The following TRIM33 variants were observed in gnomAD, a reference collection of about 807,000 sequenced individuals.
The protein encoded by TRIM33 is tripartite motif containing 33, also known as E3 ubiquitin-protein ligase TRIM33.
A neutral mutation model predicts 125.4 loss-of-function variants in TRIM33; 20 were observed. The ratio of observed to expected loss-of-function variants is 0.16; its 90% CI spans 0.11 to 0.23. TRIM33 has a LOEUF of 0.23. TRIM33 is among the 10% of genes least tolerant of loss of function. The pLI, the probability that TRIM33 is intolerant of heterozygous loss-of-function variation, is 1.00. For synonymous variants in TRIM33, 564 were observed against 513.9 expected (o/e 1.10, Z -1.32); for missense variants, 920 against 1,411.4 (o/e 0.65, Z 5.58).
intron 11 of TRIM33, among the ~76,000 whole-genome samples, chr1:114,418,038 A>G (rs745977667): frequency 2.0e-4 from 31 of 152,228 alleles, no homozygotes; most frequent in Non-Finnish European, 4.0e-4. Context: ...ACACTGCTAT[A>G]AAGATACTAC....
In TRIM33 at chr1:114,397,529, G is replaced by A. The variant is rs1651601419; in HGVS notation, c.*119C>T. The A allele has an allele frequency of 1.5e-6, 1 of 683,768 alleles. No individual in the cohort carries two copies. The highest frequency in any genetic ancestry group is 2.5e-6 in the Non-Finnish European group (1 of 402,402). The allele number at this position is 683,768 out of a possible 1,614,324, so 42.4% of individuals were successfully genotyped here. Reference sequence around the variant, plus strand: ...TGTAAAAGCTATCAGCTTCTTCAAGGAGGTGCCCACTGTAGGCAGGATATT... The same window carrying A: ...TGTAAAAGCTATCAGCTTCTTCAAGAAGGTGCCCACTGTAGGCAGGATATT... On this transcript the variant is annotated 3_prime_UTR_variant, in exon 20 of 20. Transcript: ENST00000358465.
chr1:114,495,620 C>T (rs986568282), intron 1 of TRIM33, among the ~76,000 whole-genome samples: 2 of 152,142 alleles, frequency 1.3e-5, no homozygotes, highest in African/African-American at 4.8e-5. Flanking sequence ...ACAGCTAGTT[C>T]TTTCCTGCCA....
rs66490349 is a variant in TRIM33 at position 114,397,589 on chromosome 1, G to GTTTTTTTTTTTTTTTTTTTTT, written c.*58_*59insAAAAAAAAAAAAAAAAAAAAA. 2.7e-5 allele frequency: 17 copies of GTTTTTTTTTTTTTTTTTTTTT among 640,654 alleles called. No homozygotes were observed. The highest frequency in any genetic ancestry group is 1.0e-4 in the South Asian group (5 of 48,486). The allele number at this position is 640,654 out of a possible 1,614,324, so 39.7% of individuals were successfully genotyped here. On this transcript the variant is annotated 3_prime_UTR_variant, in exon 20 of 20. Transcript: ENST00000358465. ...CTTAAAAGTTTTCTGGGTTTTTTGT[G>GTTTTTTTTTTTTTTTTTTTTT]TTTTTTTTTTTTTTTTCGTTTTTTT...
At chr1:114,491,681 G>A (rs940241194) in intron 1 of TRIM33, among the ~76,000 whole-genome samples, 2 of 152,140 alleles carry the variant, frequency 1.3e-5, no homozygotes, top group Admixed American at 6.6e-5. Context: ...GCATGGGCCT[G>A]TAGTCTCAGC....
intron 5 of TRIM33, among the ~76,000 whole-genome samples, chr1:114,433,136 A>G (rs1423645257): frequency 1.3e-5 from 2 of 152,246 alleles, no homozygotes; most frequent in African/African-American, 4.8e-5. Flanking sequence ...GATGATAATT[A>G]TAAATACAAT....
intron 1 of TRIM33, among the ~76,000 whole-genome samples, chr1:114,474,828 G>T (rs1265730404): frequency 6.6e-6 from 1 of 151,044 alleles, no homozygotes; most frequent in Non-Finnish European, 1.5e-5. Flanking sequence ...GGAGGTGGAG[G>T]TTGTGGTGAG....
chr1:114,408,991 C>T lies in TRIM33; in HGVS notation c.2195-251G>A, dbSNP rs549861167. 1.3e-4 allele frequency among the ~76,000 whole-genome samples: 20 copies of T among 152,298 alleles called. No individual in the cohort carries two copies. In the South Asian group the frequency reaches 3.7e-3, roughly 28 times the overall value. On this transcript the variant is annotated intron_variant, in intron 12 of 19. Transcript: ENST00000358465. Reference sequence around the variant, plus strand: ...CAGTCAACAAAACAGACCAAGAAAACGTTATCTGCCATCCCTCAACAAGTT... The same window carrying T: ...CAGTCAACAAAACAGACCAAGAAAATGTTATCTGCCATCCCTCAACAAGTT...
intron 1 of TRIM33, among the ~76,000 whole-genome samples, chr1:114,498,440 G>A (rs961579910): frequency 2.6e-4 from 40 of 152,238 alleles, no homozygotes; most frequent in African/African-American, 7.9e-4. Context: ...CTGAGGTCAG[G>A]AGTTCAAGAC....
rs201185442 is a variant in TRIM33, at chr1:114,464,403, A to G, written c.527-15T>C. The G allele has an allele frequency of 7.2e-5, 100 of 1,392,392 alleles. 1 individual carries two copies. The East Asian group carries it at 2.2e-3, about 31-fold the overall frequency. The allele number at this position is 1,392,392 out of a possible 1,614,324, so 86.3% of individuals were successfully genotyped here. On this transcript the variant is annotated splice_polypyrimidine_tract_variant and intron_variant, in intron 1 of 19. Transcript: ENST00000358465. Reference sequence around the variant, plus strand: ...TATTACACCAACTACAACATAAAATAACAACATTTTAAAATATTCTTCAGG... The same window carrying G: ...TATTACACCAACTACAACATAAAATGACAACATTTTAAAATATTCTTCAGG...
chr1:114,442,181 A>G (rs1416989768), intron 4 of TRIM33, among the ~76,000 whole-genome samples: 2 of 152,216 alleles, frequency 1.3e-5, no homozygotes, highest in African/African-American at 2.4e-5. Flanking sequence ...AATGAGATCA[A>G]TGAATACTCA....
chr1:114,475,513 G>C lies in TRIM33; in HGVS notation c.527-11125C>G, dbSNP rs144106203. 3.5e-3 allele frequency among the ~76,000 whole-genome samples: 535 copies of C among 152,034 alleles called. 2 individuals are homozygous for C. The highest frequency in any genetic ancestry group is 0.013 in the African/African-American group (519 of 41,480). Reference sequence around the variant, plus strand: ...TGGCAAACACGGTGAAACGCTGTCTGTACTAAAAATACAAAAAAAATTAGC... The same window carrying C: ...TGGCAAACACGGTGAAACGCTGTCTCTACTAAAAATACAAAAAAAATTAGC... On this transcript the variant is annotated intron_variant, in intron 1 of 19. Transcript: ENST00000358465.
chr1:114,507,212 C>A (rs570542700), intron 1 of TRIM33, among the ~76,000 whole-genome samples: 1 of 152,322 alleles, frequency 6.6e-6, no homozygotes, highest in South Asian at 2.1e-4. Flanking sequence ...CAGTGGTTCT[C>A]AAACTTAAGC....
chr1:114,480,476 TAAAAAAAAA>T (rs61241613), intron 1 of TRIM33, among the ~76,000 whole-genome samples: 1 of 77,864 alleles, frequency 1.3e-5, no homozygotes, highest in East Asian at 4.2e-4. Context: ...ATGATCAATT[TAAAAAAAAA>T]AAAAAAAAAA....
chr1:114,430,725 T>C lies in TRIM33; in HGVS notation c.1155+73A>G, dbSNP rs551887907. The stretch of plus-strand genomic sequence containing the variant: ...ATACCCCCCAATCCATCTAAAATAG[T>C]TTTCAATAAACATTAAAAACAGCTA... On this transcript the variant is annotated intron_variant, in intron 6 of 19. Transcript: ENST00000358465. 2.6e-5 allele frequency: 22 copies of C among 848,424 alleles called. No individual in the cohort carries two copies. The East Asian group carries it at 5.1e-4, about 20-fold the overall frequency. 52.6% of individuals were successfully genotyped at this position (848,424 alleles called of 1,614,324 possible).
At chr1:114,447,925 C>T (rs80082541) in intron 4 of TRIM33, among the ~76,000 whole-genome samples, 3,924 of 152,192 alleles carry the variant, frequency 0.026, 86 homozygotes, top group Non-Finnish European at 0.034. Context: ...CAGTCAAAAG[C>T]ATGTAAATTT....
At chr1:114,436,744 C>A (rs903820587) in intron 4 of TRIM33, among the ~76,000 whole-genome samples, 1 of 152,022 alleles carries the variant, frequency 6.6e-6, no homozygotes, top group African/African-American at 2.4e-5. Flanking sequence ...GGATTACAGG[C>A]GTGAGCCACC....
intron 17 of TRIM33, among the ~76,000 whole-genome samples, chr1:114,400,881 C>A (rs1401877350): frequency 1.3e-5 from 2 of 152,120 alleles, no homozygotes; most frequent in Admixed American, 6.5e-5. Flanking sequence ...ATAGACTATG[C>A]TAAATATTTT....
At chr1:114,450,697 G>A (rs545828906) in intron 4 of TRIM33, among the ~76,000 whole-genome samples, 2 of 152,028 alleles carry the variant, frequency 1.3e-5, no homozygotes, top group Admixed American at 1.3e-4. Flanking sequence ...CTGGCCTAAC[G>A]TTCCTATTTT....
intron 11 of TRIM33, chr1:114,420,420 T>G (rs763195120): frequency 7.5e-7 from 1 of 1,334,930 alleles, no homozygotes; most frequent in Non-Finnish European, 9.9e-7. Context: ...TCCAAACTCA[T>G]ACCAGGAGTG....
Sources: gnomAD v4.1 joint callset for allele counts (sites outside exome capture counted in the v4.1 genomes callset) on GRCh38, gnomAD v4.1.1 for gene constraint, MANE v1.5 for transcripts, NCBI Gene and HGNC (gene_info 2026-07-23, HGNC 2026-07-21) for gene names.